The following OR9Q1 variants were observed in gnomAD, a reference collection of about 807,000 sequenced individuals.
OR9Q1 encodes the protein olfactory receptor family 9 subfamily Q member 1, also known as olfactory receptor 9Q1.
For synonymous variants in OR9Q1, 153 were observed against 148.6 expected (o/e 1.03, Z -0.22); for missense variants, 374 against 378.8 (o/e 0.99, Z 0.11).
Position 58,093,940 on chromosome 11 carries a change from T to C in OR9Q1, c.-15+37993T>C, listed in dbSNP as rs1001983313. Reference sequence around the variant, plus strand: ...TCATTTGATCTAGCAATCCCACTACTGGATATCTACCCAAAGGAAAAGAAA... The same window carrying C: ...TCATTTGATCTAGCAATCCCACTACCGGATATCTACCCAAAGGAAAAGAAA... On this transcript the variant is annotated intron_variant, in intron 2 of 2. Transcript: ENST00000335397. Among the ~76,000 whole-genome samples, 8 of 152,136 alleles carry C rather than the reference T, an allele frequency of 5.3e-5. No homozygotes were observed. The South Asian group carries it at 1.7e-3, about 32-fold the overall frequency.
At chr11:58,176,367 G>A (rs1022667267) in intron 2 of OR9Q1, among the ~76,000 whole-genome samples, 1 of 152,212 alleles carries the variant, frequency 6.6e-6, no homozygotes, top group Non-Finnish European at 1.5e-5. Context: ...TCCTATGTAG[G>A]TGCCTAGTGA....
intron 2 of OR9Q1, among the ~76,000 whole-genome samples, chr11:58,100,280 A>G (rs146427919): frequency 2.6e-5 from 4 of 152,336 alleles, no homozygotes; most frequent in Non-Finnish European, 5.9e-5. Flanking sequence ...TGTTCATCCC[A>G]TAGTGGCTGC....
chr11:58,042,524 T>C lies in OR9Q1; in HGVS notation c.-92-13346T>C, dbSNP rs1326145663. Among the ~76,000 whole-genome samples, 5 of 151,594 alleles carry C rather than the reference T, an allele frequency of 3.3e-5. No homozygotes were observed. In the East Asian group the frequency reaches 5.8e-4, roughly 18 times the overall value. On this transcript the variant is annotated intron_variant, in intron 1 of 2. Transcript: ENST00000335397. ...ATCTATATCACTGTTTTGGTACCAG[T>C]ACCATGCTGTTTTGGTGACTGTAGC...
chr11:58,114,918 G>A (rs765265869), intron 2 of OR9Q1, among the ~76,000 whole-genome samples: 7 of 152,122 alleles, frequency 4.6e-5, no homozygotes, highest in Non-Finnish European at 1.0e-4. Context: ...GGTTTGAGCA[G>A]GTTGGTCTCA....
rs143309382 is a variant in OR9Q1 at position 58,179,866 on chromosome 11, G to T, written c.422G>T (p.Arg141Leu). Reference sequence around the variant, plus strand: ...GTCACCATCCTGACACAGCAGGCCCGCTTGAGTCTTGTGGCTGGGGCTTAC... The same window carrying T: ...GTCACCATCCTGACACAGCAGGCCCTCTTGAGTCTTGTGGCTGGGGCTTAC... ...LYVTILTQQA[R>L]LSLVAGAYVA... The change falls in exon 3 of 3, where the codon CGC becomes CTC. Residue 141 changes from arginine (R) to leucine (L), a missense_variant. Transcript: ENST00000335397. The T allele has an allele frequency of 1.9e-6, 3 of 1,614,000 alleles. No individual in the cohort carries two copies. Among genetic ancestry groups the T allele is most frequent in the East Asian group, 4.5e-5 (2 of 44,872 alleles).
At chr11:58,068,145 C>T (rs1853447597) in intron 2 of OR9Q1, among the ~76,000 whole-genome samples, 1 of 149,976 alleles carries the variant, frequency 6.7e-6, no homozygotes, top group Non-Finnish European at 1.5e-5. Flanking sequence ...TCAAGACCAG[C>T]CTGATCAACA....
At chr11:58,086,512 A>C (rs1051193158) in intron 2 of OR9Q1, among the ~76,000 whole-genome samples, 11 of 142,316 alleles carry the variant, frequency 7.7e-5, no homozygotes, top group Non-Finnish European at 1.6e-4. Context: ...CTGGATATAT[A>C]ACCAAAGGAA....
At chr11:58,033,272 A>G (rs909448791) in intron 1 of OR9Q1, among the ~76,000 whole-genome samples, 6 of 152,104 alleles carry the variant, frequency 3.9e-5, no homozygotes, top group Non-Finnish European at 8.8e-5. Context: ...TCAAAGTAAA[A>G]TAATCGTTCT....
At chr11:58,128,729 A>C (rs1210283483) in intron 2 of OR9Q1, among the ~76,000 whole-genome samples, 1 of 152,232 alleles carries the variant, frequency 6.6e-6, no homozygotes, top group African/African-American at 2.4e-5. Flanking sequence ...AAATACAGAA[A>C]GTTAGCATAA....
At chr11:58,136,507 G>A (rs1854190502) in intron 2 of OR9Q1, among the ~76,000 whole-genome samples, 1 of 152,120 alleles carries the variant, frequency 6.6e-6, no homozygotes, top group African/African-American at 2.4e-5. Flanking sequence ...TCCTCTCCCT[G>A]CCTGGAGATT....
chr11:58,137,091 T>C (rs188929454), intron 2 of OR9Q1, among the ~76,000 whole-genome samples: 22 of 152,374 alleles, frequency 1.4e-4, no homozygotes, highest in African/African-American at 5.0e-4. Context: ...ATTCCGATTA[T>C]TCTGACATGT....
At chr11:58,118,563 G>T in intron 2 of OR9Q1, 3 of 1,613,736 alleles carry the variant, frequency 1.9e-6, no homozygotes, top group South Asian at 2.2e-5. Context: ...TTACATCTTT[G>T]TTTCTTAAGC....
intron 1 of OR9Q1, among the ~76,000 whole-genome samples, 161 bp from the exon 2 acceptor site, chr11:58,055,709 A>T (rs1207563435): frequency 6.7e-6 from 1 of 150,296 alleles, no homozygotes; most frequent in Non-Finnish European, 1.5e-5. Context: ...CTGAGGTAGG[A>T]GGATTGCCTG....
intron 2 of OR9Q1, among the ~76,000 whole-genome samples, chr11:58,139,030 C>A (rs919410125): frequency 6.6e-6 from 1 of 151,870 alleles, no homozygotes; most frequent in African/African-American, 2.4e-5. Context: ...AAAGACAAAG[C>A]AGGGGTGGGG....
chr11:58,046,192 G>A (rs968933487), intron 1 of OR9Q1, among the ~76,000 whole-genome samples: 2 of 152,138 alleles, frequency 1.3e-5, no homozygotes, highest in Admixed American at 1.3e-4. Context: ...AACAGGTGGG[G>A]TCAGCCCCTT....
chr11:58,112,720 A>G (rs573019618), intron 2 of OR9Q1, among the ~76,000 whole-genome samples: 173 of 152,240 alleles, frequency 1.1e-3, no homozygotes, highest in Non-Finnish European at 1.7e-3. Context: ...CACAATAAGA[A>G]CATTCCTGGA....
rs142793298 is a variant in OR9Q1, at chr11:58,179,740, C to A, written c.296C>A (p.Ala99Asp). The A allele has an allele frequency of 4.3e-4, 692 of 1,614,222 alleles. No individual in the cohort carries two copies. Among genetic ancestry groups the A allele is most frequent in the Admixed American group, 6.3e-4 (38 of 60,034 alleles). Residue 99 changes from alanine to aspartate, a missense_variant, in exon 3 of 3, where the codon GCT becomes GAT. Ala to Asp is a moderately radical substitution (Grantham distance 126). Transcript: ENST00000335397. ...GAALSYTRCA[A>D]QFFLFTFFGS... The stretch of plus-strand genomic sequence containing the variant: ...GCTTTATCTTACACACGCTGTGCTG[C>A]TCAGTTCTTTCTGTTCACCTTCTTT...
intron 1 of OR9Q1, among the ~76,000 whole-genome samples, chr11:58,034,008 C>T (rs1853069453): frequency 6.7e-6 from 1 of 149,438 alleles, no homozygotes; most frequent in South Asian, 2.1e-4. Context: ...TTCTATCTTG[C>T]AGGATCAACA....
chr11:58,048,157 G>T (rs1452723072), intron 1 of OR9Q1, among the ~76,000 whole-genome samples: 1 of 152,104 alleles, frequency 6.6e-6, no homozygotes, highest in Non-Finnish European at 1.5e-5. Flanking sequence ...CCATCCATAC[G>T]AATTACTTAG....
Sources: allele counts gnomAD v4.1 joint callset (sites outside exome capture counted in the v4.1 genomes callset), GRCh38; gene constraint gnomAD v4.1.1; transcripts MANE v1.5; gene names NCBI Gene and HGNC (gene_info 2026-07-23, HGNC 2026-07-21).